Variants in ZBTB38 observed in about 807,000 individuals in gnomAD.
ZBTB38 encodes zinc finger and BTB domain-containing protein 38.
A neutral mutation model predicts 76.8 loss-of-function variants in ZBTB38; 20 were observed. The ratio of observed to expected loss-of-function variants is 0.26; its 90% CI spans 0.18 to 0.38. ZBTB38 has a LOEUF of 0.38. ZBTB38 is among the 10% of genes least tolerant of loss of function. ZBTB38 has a pLI of 1.00. For missense variants in ZBTB38, 1,082 were observed against 1,482.3 expected, an observed-to-expected ratio of 0.73 and a Z score of 4.43; for synonymous variants, 504 against 544.2, an observed-to-expected ratio of 0.93 and a Z score of 1.03.
chr3:141,427,882 A>G (rs1273340978), intron 5 of ZBTB38: 2 of 152,398 alleles, frequency 1.3e-5, no homozygotes, highest in African/African-American at 4.8e-5. Context: ...TTCCTGAGGC[A>G]TTTACTTTAG....
In ZBTB38 at chr3:141,443,674, T is replaced by C. The variant is rs1175391072; in HGVS notation, c.1286T>C (p.Leu429Ser). The C allele has an allele frequency of 3.7e-6, 6 of 1,614,068 alleles. No homozygotes were observed. Among genetic ancestry groups the C allele is most frequent in the Non-Finnish European group, 1.7e-6 (2 of 1,180,048 alleles). Residue 429 changes from leucine to serine, a missense_variant, in exon 6 of 6, where the codon TTA becomes TCA. By Grantham distance (145) the Leu-to-Ser change is moderately radical. Coordinates refer to ENST00000321464, the MANE Select transcript of ZBTB38 (RefSeq NM_001376113.1). This position sits in a 1 kb window ranked among gnomAD's most constrained non-coding sequence, Gnocchi z 5.6. ...GGSFTGPEPL[L>S]SENRIGEFSS... is the part of the protein sequence containing the mutation. Reference sequence around the variant, plus strand: ...TCATTCACAGGTCCAGAACCTTTATTATCTGAAAATAGGATTGGTGAATTT... The same window carrying C: ...TCATTCACAGGTCCAGAACCTTTATCATCTGAAAATAGGATTGGTGAATTT...
At chr3:141,415,524 G>A (rs1436131224) in intron 5 of ZBTB38, among the ~76,000 whole-genome samples, 1 of 152,170 alleles carries the variant, frequency 6.6e-6, no homozygotes, top group Non-Finnish European at 1.5e-5. Flanking sequence ...CAGACCCGCT[G>A]TGTCAGAAAA....
At chr3:141,351,724 A>G (rs1429867619) in intron 1 of ZBTB38, among the ~76,000 whole-genome samples, 1 of 107,798 alleles carries the variant, frequency 9.3e-6, no homozygotes, top group Admixed American at 1.0e-4. Context: ...TGTCTCTTAA[A>G]AAAAAAAAAA....
At chr3:141,335,505 T>C (rs975880545) in intron 1 of ZBTB38, among the ~76,000 whole-genome samples, 2 of 152,228 alleles carry the variant, frequency 1.3e-5, no homozygotes, top group African/African-American at 4.8e-5. Context: ...CCTCATAACT[T>C]TTCCCAGCCC....
In ZBTB38 at chr3:141,413,512, T is replaced by C. The variant is rs1957346102; in HGVS notation, c.-1+9481T>C. Among the ~76,000 whole-genome samples the C allele has an allele frequency of 6.6e-6, 1 of 152,190 alleles. No homozygotes were observed. The highest frequency in any genetic ancestry group is 2.1e-4 in the South Asian group (1 of 4,834). The stretch of plus-strand genomic sequence containing the variant: ...AGCTGGATGGTCCAGGCCCTATTTC[T>C]ATGATCTGTTTTTTGGAACTGTTGT... On this transcript the variant is annotated intron_variant, in intron 5 of 5. Coordinates refer to ENST00000321464, the MANE Select transcript of ZBTB38 (RefSeq NM_001376113.1). The surrounding 1 kb of genome is among the most constrained non-coding windows in gnomAD (Gnocchi z 4.1).
intron 2 of ZBTB38, among the ~76,000 whole-genome samples, chr3:141,370,908 C>T (rs1212807561): frequency 6.6e-6 from 1 of 152,224 alleles, no homozygotes. Context: ...GTAGTTTTCT[C>T]TGCTACTGGA....
chr3:141,390,920 C>T (rs1948682240), intron 4 of ZBTB38, among the ~76,000 whole-genome samples: 1 of 152,112 alleles, frequency 6.6e-6, no homozygotes, highest in African/African-American at 2.4e-5. Flanking sequence ...TTTGGGAAGC[C>T]AAGACGGGAG....
intron 5 of ZBTB38, among the ~76,000 whole-genome samples, chr3:141,427,419 G>A (rs2076606411): frequency 6.6e-6 from 1 of 152,214 alleles, no homozygotes; most frequent in South Asian, 2.1e-4. Context: ...CAGGCTAGAA[G>A]GACATTCCAG....
intron 5 of ZBTB38, among the ~76,000 whole-genome samples, chr3:141,434,700 G>A (rs1476024937): frequency 6.6e-6 from 1 of 151,698 alleles, no homozygotes; most frequent in Non-Finnish European, 1.5e-5. Context: ...ATTTCCCAGT[G>A]GCATTTATAT....
At chr3:141,357,901 T>C (rs1052078980) in intron 1 of ZBTB38, among the ~76,000 whole-genome samples, 7 of 152,284 alleles carry the variant, frequency 4.6e-5, no homozygotes, top group African/African-American at 1.7e-4. Context: ...ATATGCATTG[T>C]AGAGAAAAAA....
At chr3:141,326,287 A>G (rs1942673143) in intron 1 of ZBTB38, among the ~76,000 whole-genome samples, 1 of 152,238 alleles carries the variant, frequency 6.6e-6, no homozygotes, top group Admixed American at 6.5e-5. Flanking sequence ...GAAGCAAGTT[A>G]ATGTTTACAT....
At chr3:141,419,538 C>T (rs575716460) in intron 5 of ZBTB38, among the ~76,000 whole-genome samples, 1 of 152,184 alleles carries the variant, frequency 6.6e-6, no homozygotes, top group Non-Finnish European at 1.5e-5. Context: ...GTCACAAGAT[C>T]AGGACTGAAA....
intron 1 of ZBTB38, among the ~76,000 whole-genome samples, chr3:141,340,473 G>A (rs1943140323): frequency 6.6e-6 from 1 of 152,048 alleles, no homozygotes; most frequent in Non-Finnish European, 1.5e-5. Context: ...AGAAAATTTT[G>A]CAAATCACAT....
At chr3:141,361,884 C>T (rs1048570305) in intron 1 of ZBTB38, among the ~76,000 whole-genome samples, 1 of 152,090 alleles carries the variant, frequency 6.6e-6, no homozygotes, top group African/African-American at 2.4e-5. Flanking sequence ...TTATACACCT[C>T]AGCGAAAGTG....
chr3:141,443,469 A>G lies in ZBTB38; in HGVS notation c.1081A>G (p.Met361Val). Reference protein sequence around the residue: ...FDSSTLLSAHMQLHKPTQEPL... With the variant: ...FDSSTLLSAHVQLHKPTQEPL... ...CAGCAGCACTCTGCTCAGTGCCCAC[A>G]TGCAGCTTCACAAGCCAACCCAGGA... Residue 361 changes from methionine (M) to valine (V), a missense_variant, in exon 6 of 6, where the codon ATG (methionine) becomes GTG (valine). Transcript: ENST00000321464. This position sits in a 1 kb window ranked among gnomAD's most constrained non-coding sequence, Gnocchi z 5.6. 6.2e-7 allele frequency: 1 copy of G among 1,614,228 alleles called. No homozygotes were observed. Among genetic ancestry groups the G allele is most frequent in the East Asian group, 2.2e-5 (1 of 44,892 alleles).
At chr3:141,430,003 AG>A (rs1220406376) in intron 5 of ZBTB38, among the ~76,000 whole-genome samples, 1 of 152,188 alleles carries the variant, frequency 6.6e-6, no homozygotes. Context: ...AGTCCGCTGA[AG>A]GGCTTTGAGC....
At chr3:141,361,874 T>G (rs1184087944) in intron 1 of ZBTB38, among the ~76,000 whole-genome samples, 2 of 152,216 alleles carry the variant, frequency 1.3e-5, no homozygotes, top group Non-Finnish European at 2.9e-5. Context: ...GATGAGTTGT[T>G]TATACACCTC....
intron 1 of ZBTB38, among the ~76,000 whole-genome samples, chr3:141,329,558 T>G (rs1247015347): frequency 6.6e-6 from 1 of 152,218 alleles, no homozygotes; most frequent in Non-Finnish European, 1.5e-5. Context: ...GCACAAAGAA[T>G]TATATTTCTA....
chr3:141,414,385 G>C (rs948868056), intron 5 of ZBTB38, among the ~76,000 whole-genome samples: 1 of 152,206 alleles, frequency 6.6e-6, no homozygotes, highest in Admixed American at 6.5e-5. Context: ...CCTGCAGAGC[G>C]TTGGGCTTGA....
Sources: gnomAD v4.1 joint callset for allele counts (sites outside exome capture counted in the v4.1 genomes callset) on GRCh38, gnomAD v4.1.1 for gene constraint, Gnocchi (gnomAD v3.1) non-coding constraint, MANE v1.5 for transcripts, NCBI Gene and HGNC (gene_info 2026-07-23, HGNC 2026-07-21) for gene names.